The following PRDM10 variants were observed in gnomAD, a reference collection of about 807,000 sequenced individuals.
PRDM10 encodes the protein PR domain zinc finger protein 10.
In PRDM10, 65 loss-of-function variants were observed where a neutral mutation model predicts 133.1. The observed-to-expected ratio is 0.49, with a 90% CI of 0.40 to 0.60. PRDM10 has a LOEUF of 0.60. Among genes scored for constraint, PRDM10 ranks in the 20% least tolerant of loss-of-function variants. PRDM10 has a pLI of 0.00. For synonymous variants in PRDM10, 582 were observed against 580.4 expected, an observed-to-expected ratio of 1.00 and a Z score of -0.04; for missense variants, 1,137 against 1,507.1, an observed-to-expected ratio of 0.75 and a Z score of 4.07.
rs147438287 is a variant in PRDM10 at position 129,955,696 on chromosome 11, G to A, written c.235-125C>T. 4.6e-5 allele frequency: 33 copies of A among 719,800 alleles called. No individual in the cohort carries two copies. In the Admixed American group the frequency reaches 8.6e-4, roughly 19 times the overall value. The allele number at this position is 719,800 out of a possible 1,614,324, so 44.6% of individuals were successfully genotyped here. On this transcript the variant is annotated intron_variant, in intron 3 of 20. Coordinates refer to ENST00000360871, the MANE Select transcript of PRDM10 (RefSeq NM_199437.2). ...TAACTCCCATTTTAGCCAGTAATAA[G>A]CTTTCATTAATACAGAAAATAAAGA...
intron 1 of PRDM10, among the ~76,000 whole-genome samples, chr11:129,970,736 G>A (rs1324819864): frequency 3.3e-5 from 5 of 151,944 alleles, no homozygotes. Flanking sequence ...AGTAGAGACG[G>A]GGTTTCACGA....
intron 1 of PRDM10, among the ~76,000 whole-genome samples, chr11:129,982,061 C>G (rs1944262904): frequency 6.6e-6 from 1 of 151,850 alleles, no homozygotes; most frequent in Non-Finnish European, 1.5e-5. Context: ...AGTTCAAAAC[C>G]AGACTGGACA....
At chr11:129,997,605 A>G (rs376311365) in intron 1 of PRDM10, among the ~76,000 whole-genome samples, 1 of 152,262 alleles carries the variant, frequency 6.6e-6, no homozygotes. Context: ...TGTAAGTTCA[A>G]TGTTCTCAAT....
At position 129,991,509 on chromosome 11, in the gene PRDM10, C is replaced by A. The variant is rs548936856; in HGVS notation, c.-119+11213G>T. On this transcript the variant is annotated intron_variant, in intron 1 of 20. Transcript: ENST00000360871. Reference sequence around the variant, plus strand: ...GACCAGCCTGGCCAACATGGTGAAACCCTGTCTCTACTAAAAATACAAAAA... The same window carrying A: ...GACCAGCCTGGCCAACATGGTGAAAACCTGTCTCTACTAAAAATACAAAAA... 1.8e-3 allele frequency among the ~76,000 whole-genome samples: 280 copies of A among 152,150 alleles called. 3 individuals are homozygous for A. The highest frequency in any genetic ancestry group is 3.2e-3 in the Non-Finnish European group (217 of 68,002).
At position 129,900,831 on chromosome 11, in the gene PRDM10, C is replaced by T. The variant is rs886487673; in HGVS notation, c.*1482G>A. On this transcript the variant is annotated 3_prime_UTR_variant, in exon 21 of 21. Coordinates refer to ENST00000360871, the MANE Select transcript of PRDM10 (RefSeq NM_199437.2). ...ACATTGGGGAACAACTACATGAACGCAGTCTCAGAAATAAAGTGCGAAATC... is the reference window on the plus strand; with the variant it reads ...ACATTGGGGAACAACTACATGAACGTAGTCTCAGAAATAAAGTGCGAAATC... The T allele has an allele frequency of 3.3e-5, 4 of 122,314 alleles. No individual in the cohort carries two copies. The highest frequency in any genetic ancestry group is 1.2e-4 in the African/African-American group (4 of 32,172). 7.6% of individuals were successfully genotyped at this position (122,314 alleles called of 1,614,324 possible).
rs1331553939 is a variant in PRDM10 at position 129,945,174 on chromosome 11, G to A, written c.521-162C>T. On this transcript the variant is annotated intron_variant, in intron 5 of 20. Coordinates refer to ENST00000360871, the MANE Select transcript of PRDM10 (RefSeq NM_199437.2). This position sits in a 1 kb window ranked among gnomAD's most constrained non-coding sequence, Gnocchi z 4.2. The stretch of plus-strand genomic sequence containing the variant: ...TTCAACGGTAATACATTCTCTCTGG[G>A]AGACCAGTAAAAATCCTGTAATTCT... Among the ~76,000 whole-genome samples, 1 of 152,134 alleles carries A rather than the reference G, an allele frequency of 6.6e-6. No individual in the cohort carries two copies. The highest frequency in any genetic ancestry group is 1.5e-5 in the Non-Finnish European group (1 of 68,022).
chr11:129,909,492 T>C (rs549260793), intron 19 of PRDM10, among the ~76,000 whole-genome samples: 74 of 149,590 alleles, frequency 4.9e-4, no homozygotes, highest in African/African-American at 1.8e-3. Flanking sequence ...AACTAGACGG[T>C]AGAGTTTGAG....
In PRDM10 at chr11:129,915,968, C is replaced by A. The variant is rs80341817; in HGVS notation, c.2326-108G>T. The A allele has an allele frequency of 3.0e-4, 306 of 1,035,996 alleles. No individual in the cohort carries two copies. The African/African-American group carries it at 4.5e-3, about 15-fold the overall frequency. 64.2% of individuals were successfully genotyped at this position (1,035,996 alleles called of 1,614,324 possible). On this transcript the variant is annotated intron_variant, in intron 15 of 20. Coordinates refer to ENST00000360871, the MANE Select transcript of PRDM10 (RefSeq NM_199437.2). ...AAAATGAGGAAAAGTATTCATGTAGCCCCAAATAAAATATATTAATATGTA... is the reference window on the plus strand; with the variant it reads ...AAAATGAGGAAAAGTATTCATGTAGACCCAAATAAAATATATTAATATGTA...
chr11:129,923,237 T>TG lies in PRDM10; in HGVS notation c.2034+10dup. The TG allele has an allele frequency of 6.4e-7, 1 of 1,568,736 alleles. No individual in the cohort carries two copies. The highest frequency in any genetic ancestry group is 8.7e-7 in the Non-Finnish European group (1 of 1,155,540). ...ACGAGAACCACCTTGGGCTGTGCCT[T>TG]GGTGTCATACCTTAAATTGCTTCCC... On this transcript the variant is annotated intron_variant, in intron 13 of 20. Coordinates refer to ENST00000360871, the MANE Select transcript of PRDM10 (RefSeq NM_199437.2). This position sits in a 1 kb window ranked among gnomAD's most constrained non-coding sequence, Gnocchi z 4.4.
Position 129,918,767 on chromosome 11 carries a change from T to C in PRDM10, c.2035-49A>G, listed in dbSNP as rs745446661. 1 of 1,499,684 alleles carries C rather than the reference T, an allele frequency of 6.7e-7. No homozygotes were observed. Among genetic ancestry groups the C allele is most frequent in the Non-Finnish European group, 9.1e-7 (1 of 1,100,784 alleles). The allele number at this position is 1,499,684 out of a possible 1,614,324, so 92.9% of individuals were successfully genotyped here. The stretch of plus-strand genomic sequence containing the variant: ...ACGGGGTAGACACGGGGGTAGAAAA[T>C]TTTTAACTGAAGGGATCATTTTAAA... On this transcript the variant is annotated intron_variant, in intron 13 of 20. Transcript: ENST00000360871. The surrounding 1 kb of genome is among the most constrained non-coding windows in gnomAD (Gnocchi z 5.3).
chr11:129,933,392 T>C (rs533831555), intron 9 of PRDM10, among the ~76,000 whole-genome samples: 2 of 152,302 alleles, frequency 1.3e-5, no homozygotes, highest in South Asian at 2.1e-4. Flanking sequence ...ACATACCCAG[T>C]AGATGACTTG....
At chr11:130,000,042 ATTTTT>A (rs955648260) in intron 1 of PRDM10, among the ~76,000 whole-genome samples, 2 of 138,634 alleles carry the variant, frequency 1.4e-5, no homozygotes, top group Non-Finnish European at 3.1e-5. Flanking sequence ...TCGCTTCTAA[ATTTTT>A]TTTTTTTTTT....
At chr11:129,984,949 C>A (rs1938329007) in intron 1 of PRDM10, among the ~76,000 whole-genome samples, 1 of 152,162 alleles carries the variant, frequency 6.6e-6, no homozygotes, top group South Asian at 2.1e-4. Context: ...TTTTGATCAT[C>A]CTTTCTCATG....
chr11:129,956,739 T>C lies in PRDM10; in HGVS notation c.234+1007A>G, dbSNP rs958644247. ...AGTCTTCAGTGATTTCATACTTATG[T>C]AGATTTGAAAGGCACTAATTAGGCG... On this transcript the variant is annotated intron_variant, in intron 3 of 20. Coordinates refer to ENST00000360871, the MANE Select transcript of PRDM10 (RefSeq NM_199437.2). Among the ~76,000 whole-genome samples, 8 of 152,348 alleles carry C rather than the reference T, an allele frequency of 5.3e-5. No homozygotes were observed. The South Asian group carries it at 1.5e-3, about 28-fold the overall frequency.
At chr11:129,907,552 G>A (rs1003694411) in intron 19 of PRDM10, among the ~76,000 whole-genome samples, 2 of 151,904 alleles carry the variant, frequency 1.3e-5, no homozygotes, top group Admixed American at 6.6e-5. Context: ...CTGTAGGTGC[G>A]CACTACCATG....
intron 1 of PRDM10, among the ~76,000 whole-genome samples, chr11:129,977,297 C>CACACACAT (rs1465081302): frequency 7.2e-4 from 107 of 147,642 alleles, no homozygotes; most frequent in Admixed American, 5.2e-3. Flanking sequence ...CACACACACA[C>CACACACAT]ACATTGAGAT....
At chr11:129,915,426 G>A (rs903034117) in intron 16 of PRDM10, among the ~76,000 whole-genome samples, 1 of 152,244 alleles carries the variant, frequency 6.6e-6, no homozygotes, top group African/African-American at 2.4e-5. Flanking sequence ...AAGGGAAAAG[G>A]AAAACAGCCA....
intron 1 of PRDM10, among the ~76,000 whole-genome samples, chr11:129,992,812 C>T (rs1938825078): frequency 6.6e-6 from 1 of 152,142 alleles, no homozygotes; most frequent in African/African-American, 2.4e-5. Context: ...ATTGGATGGA[C>T]TATATAAACA....
At chr11:129,981,285 C>G (rs1023812913) in intron 1 of PRDM10, among the ~76,000 whole-genome samples, 4 of 152,054 alleles carry the variant, frequency 2.6e-5, no homozygotes, top group Admixed American at 2.6e-4. Context: ...TCTGACAGTA[C>G]AGAATTGTTT....
Sources: allele counts gnomAD v4.1 joint callset (sites outside exome capture counted in the v4.1 genomes callset), GRCh38; gene constraint gnomAD v4.1.1; non-coding constraint Gnocchi (gnomAD v3.1); transcripts MANE v1.5; gene names NCBI Gene and HGNC (gene_info 2026-07-23, HGNC 2026-07-21).